Variants in GLIS3 observed in about 807,000 individuals in gnomAD.
The protein encoded by GLIS3 is zinc finger protein GLIS3.
Under a neutral mutation model 78.6 loss-of-function variants are expected in GLIS3, and 53 were observed. The observed-to-expected ratio is 0.67, with a 90% CI of 0.54 to 0.85. The LOEUF is 0.85. GLIS3 is among the 40% of genes least tolerant of loss of function. The pLI, the probability that GLIS3 is intolerant of heterozygous loss-of-function variation, is 0.00. For missense variants in GLIS3, 1,703 were observed against 1,231.1 expected (o/e 1.38, Z -5.74); for synonymous variants, 684 against 509.9 (o/e 1.34, Z -4.60).
Position 4,327,511 on chromosome 9 carries a change from T to A in GLIS3, n.265-16983A>T, listed in dbSNP as rs16921137. ...GCAGAGGAGACCAGACAGATTCAAG[T>A]GGGATTTAGGGAGTAAAAGGTGAGG... is the stretch of plus-strand genomic sequence containing the variant. On this transcript the variant is annotated intron_variant and non_coding_transcript_variant, in intron 2 of 4. Coordinates refer to the GLIS3 transcript ENST00000471664. Among the ~76,000 whole-genome samples, 761 of 151,966 alleles carry A rather than the reference T, an allele frequency of 5.0e-3. 5 individuals are homozygous for A. The highest frequency in any genetic ancestry group is 0.018 in the African/African-American group (731 of 41,448).
At chr9:4,065,730 A>C (rs1267083657) in intron 4 of GLIS3, among the ~76,000 whole-genome samples, 5 of 152,186 alleles carry the variant, frequency 3.3e-5, no homozygotes, top group African/African-American at 1.2e-4. Flanking sequence ...CCAAGTGAAG[A>C]GGTCTAAGAT....
chr9:4,041,011 T>C (rs771480673), intron 4 of GLIS3, among the ~76,000 whole-genome samples: 7 of 152,194 alleles, frequency 4.6e-5, no homozygotes, highest in Non-Finnish European at 7.3e-5. Context: ...GTGATTCTAA[T>C]GCATGCTAAA....
At chr9:4,399,494 C>T in the GLIS3 span, among the ~76,000 whole-genome samples, 2 of 152,224 alleles carry the variant, frequency 1.3e-5, no homozygotes, top group African/African-American at 2.4e-5. Flanking sequence ...GGTCTCATAG[C>T]TGGCCAGGAG....
chr9:4,152,607 G>C (rs1039357283), intron 2 of GLIS3, among the ~76,000 whole-genome samples: 7 of 152,038 alleles, frequency 4.6e-5, no homozygotes, highest in African/African-American at 1.7e-4. Flanking sequence ...CTGAGTAAAC[G>C]TGGTGTTCAC....
chr9:4,039,195 G>A (rs1402025882), intron 4 of GLIS3, among the ~76,000 whole-genome samples: 3 of 152,142 alleles, frequency 2.0e-5, no homozygotes, highest in African/African-American at 7.2e-5. Flanking sequence ...TAGGGCACCT[G>A]GTTATTCTCT....
At chr9:4,449,599 A>G in the GLIS3 span, among the ~76,000 whole-genome samples, 2 of 152,028 alleles carry the variant, frequency 1.3e-5, no homozygotes, top group Admixed American at 1.3e-4. Context: ...ACAGGTGGGA[A>G]CCCCATTGGG....
chr9:3,958,813 C>A (rs910143051), intron 4 of GLIS3, among the ~76,000 whole-genome samples: 11 of 152,198 alleles, frequency 7.2e-5, no homozygotes, highest in Non-Finnish European at 1.6e-4. Flanking sequence ...AGGAGTTCAA[C>A]GTGCAGAGTG....
At chr9:3,936,782 C>T (rs185145497) in intron 5 of GLIS3, among the ~76,000 whole-genome samples, 11 of 152,272 alleles carry the variant, frequency 7.2e-5, no homozygotes, top group South Asian at 2.1e-4. Context: ...TTGTACACAG[C>T]GGTGACCAAG....
intron 2 of GLIS3, among the ~76,000 whole-genome samples, chr9:4,132,655 C>A (rs925394009): frequency 7.9e-5 from 12 of 151,988 alleles, no homozygotes; most frequent in African/African-American, 2.9e-4. Flanking sequence ...CCATGGAGCC[C>A]ACAGTCTAGC....
chr9:4,040,147 T>A (rs1353780151), intron 4 of GLIS3, among the ~76,000 whole-genome samples: 2 of 152,170 alleles, frequency 1.3e-5, no homozygotes, highest in African/African-American at 4.8e-5. Context: ...TTAATACCTT[T>A]ATTTATGGAG....
intron 2 of GLIS3, among the ~76,000 whole-genome samples, chr9:4,129,374 C>T (rs151105013): frequency 1.6e-3 from 243 of 152,306 alleles, no homozygotes; most frequent in African/African-American, 5.5e-3. Flanking sequence ...TGTGTCCCCA[C>T]CCAAAACTCA....
exon 3 of GLIS3, chr9:4,310,402 T>C (rs1817330728): frequency 6.6e-6 from 1 of 152,228 alleles, no homozygotes. Context: ...GAAACTCACT[T>C]GTCTAGCAAA....
intron 4 of GLIS3, among the ~76,000 whole-genome samples, chr9:3,948,207 C>A (rs1816427301): frequency 6.6e-6 from 1 of 152,208 alleles, no homozygotes. Context: ...CCATCACAAG[C>A]CTAGCTGGCA....
At chr9:4,365,937 T>C in the GLIS3 span, among the ~76,000 whole-genome samples, 2 of 152,194 alleles carry the variant, frequency 1.3e-5, no homozygotes, top group Non-Finnish European at 2.9e-5. Context: ...CTAGAGTCTA[T>C]TCAAATCAGT....
the GLIS3 span, among the ~76,000 whole-genome samples, chr9:4,452,288 C>G: frequency 6.6e-6 from 1 of 152,116 alleles, no homozygotes; most frequent in East Asian, 1.9e-4. Context: ...TCTCTCACCA[C>G]CCTTATTCAA....
intron 8 of GLIS3, among the ~76,000 whole-genome samples, chr9:3,857,852 C>A (rs1484742115): frequency 6.6e-6 from 1 of 152,128 alleles, no homozygotes; most frequent in Non-Finnish European, 1.5e-5. Context: ...GCCAGGATTC[C>A]TCATATGAAG....
chr9:3,843,616 C>T (rs1162027435), intron 9 of GLIS3, among the ~76,000 whole-genome samples: 3 of 152,140 alleles, frequency 2.0e-5, no homozygotes, highest in Non-Finnish European at 4.4e-5. Context: ...CCCATAGTTA[C>T]TAGGCACTGA....
intron 9 of GLIS3, among the ~76,000 whole-genome samples, chr9:3,845,921 C>G (rs1819012101): frequency 6.6e-6 from 1 of 152,184 alleles, no homozygotes; most frequent in Non-Finnish European, 1.5e-5. Flanking sequence ...TCCACTGTTT[C>G]AAGATTTAAA....
chr9:4,275,816 T>C (rs1826930062), intron 2 of GLIS3, among the ~76,000 whole-genome samples: 1 of 152,086 alleles, frequency 6.6e-6, no homozygotes, highest in South Asian at 2.1e-4. Flanking sequence ...TTAAAAAGAA[T>C]GAGATCACCA....
Sources: gnomAD v4.1 joint callset for allele counts (sites outside exome capture counted in the v4.1 genomes callset) on GRCh38, gnomAD v4.1.1 for gene constraint, MANE v1.5 for transcripts, NCBI Gene and HGNC (gene_info 2026-07-23, HGNC 2026-07-21) for gene names.